Variants in ITPR1 observed in about 807,000 individuals in gnomAD.
ITPR1 encodes inositol 1,4,5-trisphosphate receptor type 1, also known as inositol 1,4,5-trisphosphate-gated calcium channel ITPR1.
In ITPR1, 96 loss-of-function variants were observed where a neutral mutation model predicts 318.4. The ratio of observed to expected loss-of-function variants is 0.30; its 90% confidence interval spans 0.26 to 0.36. The LOEUF (loss-of-function observed/expected upper bound fraction) is 0.36, where lower values mean the gene tolerates loss of function less well. ITPR1 is among the 10% of genes least tolerant of loss of function. The pLI is 1.00. For missense variants in ITPR1, 2,440 were observed against 3,460.2 expected, an observed-to-expected ratio of 0.71 and a Z score of 7.40; for synonymous variants, 1,312 against 1,289.9, an observed-to-expected ratio of 1.02 and a Z score of -0.37.
chr3:4,575,485 G>T (rs867876944), intron 4 of ITPR1, among the ~76,000 whole-genome samples: 3 of 152,166 alleles, frequency 2.0e-5, no homozygotes, highest in East Asian at 3.8e-4. Context: ...CAGGGAGTTT[G>T]TTGATGATTG....
intron 44 of ITPR1, among the ~76,000 whole-genome samples, chr3:4,764,008 A>G (rs2045638413): frequency 6.6e-6 from 1 of 152,228 alleles, no homozygotes; most frequent in South Asian, 2.1e-4. Flanking sequence ...CACAGCTGGG[A>G]TAGCAGCTGA....
intron 44 of ITPR1, among the ~76,000 whole-genome samples, chr3:4,764,271 T>C (rs1415867776): frequency 6.6e-6 from 1 of 152,226 alleles, no homozygotes; most frequent in African/African-American, 2.4e-5. Flanking sequence ...TTTCTAGAAT[T>C]CATTTATTTT....
At chr3:4,768,880 G>A in intron 46 of ITPR1, 116 bp downstream of exon 46, 1 of 1,004,098 alleles carries the variant, frequency 1.0e-6, no homozygotes, top group Non-Finnish European at 1.5e-6. Flanking sequence ...CAAGGATCCA[G>A]CAAGGTTCTT....
chr3:4,717,242 G>A (rs948513986), intron 39 of ITPR1, 125 bp from the exon 40 acceptor site: 1 of 840,082 alleles, frequency 1.2e-6, no homozygotes, highest in Non-Finnish European at 1.9e-6. Context: ...TCTTAGGATG[G>A]TTACCCATCT....
At chr3:4,640,741 A>G (rs78814950) in intron 6 of ITPR1, among the ~76,000 whole-genome samples, 1,690 of 152,252 alleles carry the variant, frequency 0.011, 23 homozygotes, top group African/African-American at 0.039. Context: ...GCTCTTTAGG[A>G]TGGTTGAGAG....
intron 24 of ITPR1, among the ~76,000 whole-genome samples, chr3:4,678,100 G>A (rs1336905770): frequency 6.6e-6 from 1 of 152,056 alleles, no homozygotes; most frequent in Non-Finnish European, 1.5e-5. Context: ...AAATGTTTAA[G>A]ATCTGGGGGT....
intron 30 of ITPR1, among the ~76,000 whole-genome samples, chr3:4,686,043 C>A (rs773619761): frequency 2.0e-5 from 3 of 152,144 alleles, no homozygotes; most frequent in African/African-American, 7.2e-5. Flanking sequence ...CATGCTGAGG[C>A]CTTTATACAC....
intron 4 of ITPR1, among the ~76,000 whole-genome samples, chr3:4,580,627 C>T (rs1462472953): frequency 1.3e-5 from 2 of 151,032 alleles, no homozygotes; most frequent in Non-Finnish European, 1.5e-5. Flanking sequence ...GTGGCCTTTG[C>T]CTTGCCGTCC....
intron 4 of ITPR1, among the ~76,000 whole-genome samples, chr3:4,551,457 C>T (rs761114724): frequency 6.6e-6 from 1 of 152,176 alleles, no homozygotes; most frequent in African/African-American, 2.4e-5. Context: ...GAGAACAGAT[C>T]TTTCTAATCT....
At chr3:4,730,159 CCT>C (rs966104971) in intron 42 of ITPR1, among the ~76,000 whole-genome samples, 6 of 150,134 alleles carry the variant, frequency 4.0e-5, no homozygotes, top group African/African-American at 1.2e-4. Flanking sequence ...TTTTCTATCC[CCT>C]CTTACCTATA....
intron 37 of ITPR1, among the ~76,000 whole-genome samples, chr3:4,706,826 C>G (rs1276480040): frequency 6.6e-6 from 1 of 152,162 alleles, no homozygotes; most frequent in African/African-American, 2.4e-5. Context: ...GTAGAATCTA[C>G]CAAGACATCT....
At chr3:4,509,618 T>C (rs1390315849) in intron 2 of ITPR1, among the ~76,000 whole-genome samples, 1 of 152,156 alleles carries the variant, frequency 6.6e-6, no homozygotes, top group Non-Finnish European at 1.5e-5. Context: ...TAGTGAGACC[T>C]TGTCTCTACA....
At chr3:4,554,007 T>G (rs979725018) in intron 4 of ITPR1, among the ~76,000 whole-genome samples, 1 of 152,372 alleles carries the variant, frequency 6.6e-6, no homozygotes, top group African/African-American at 2.4e-5. Context: ...CATCCCAAAG[T>G]GCTCGGATTA....
chr3:4,596,996 A>G (rs1355218771), intron 4 of ITPR1, among the ~76,000 whole-genome samples: 2 of 152,208 alleles, frequency 1.3e-5, no homozygotes, highest in Non-Finnish European at 2.9e-5. Context: ...AGGATTGTAG[A>G]GCATTGAGTG....
At chr3:4,603,004 A>C (rs989629117) in intron 4 of ITPR1, among the ~76,000 whole-genome samples, 3 of 152,162 alleles carry the variant, frequency 2.0e-5, no homozygotes, top group African/African-American at 7.2e-5. Flanking sequence ...ACAATATCTC[A>C]ATAAAAATGA....
intron 29 of ITPR1, 62 bp downstream of exon 29, chr3:4,684,408 T>A: frequency 1.7e-6 from 2 of 1,210,716 alleles, no homozygotes; most frequent in Admixed American, 3.8e-5. Flanking sequence ...AGCTTTAGTT[T>A]GTGATAGTCA....
intron 41 of ITPR1, among the ~76,000 whole-genome samples, chr3:4,726,154 C>T (rs753683871): frequency 1.3e-5 from 2 of 152,190 alleles, no homozygotes; most frequent in East Asian, 1.9e-4. Context: ...CTCAGCCTCC[C>T]GGGTAGCTGG....
At chr3:4,783,330 C>T (rs1435578050) in intron 50 of ITPR1, among the ~76,000 whole-genome samples, 2 of 152,134 alleles carry the variant, frequency 1.3e-5, no homozygotes, top group Non-Finnish European at 2.9e-5. Context: ...CTGCTGGAGC[C>T]TTGTGTTTCC....
chr3:4,646,171 A>G (rs896363341), intron 10 of ITPR1, among the ~76,000 whole-genome samples: 1 of 152,250 alleles, frequency 6.6e-6, no homozygotes, highest in Non-Finnish European at 1.5e-5. Context: ...TGATGCCCAC[A>G]TTGGTGATGG....
Sources: allele counts gnomAD v4.1 joint callset (sites outside exome capture counted in the v4.1 genomes callset), GRCh38; gene constraint gnomAD v4.1.1; transcripts MANE v1.5; gene names NCBI Gene and HGNC (gene_info 2026-07-23, HGNC 2026-07-21).